PERP: variants seen among roughly 807,000 people sequenced by gnomAD.
The protein encoded by PERP is p53 apoptosis effector related to PMP22.
A neutral mutation model predicts 20.3 loss-of-function variants in PERP; 11 were observed. The observed-to-expected ratio is 0.54, with a 90% CI of 0.34 to 0.90. The LOEUF is 0.90. Ranked by LOEUF, PERP falls within the 40% of genes least tolerant of loss-of-function variation. The pLI is 0.02. For missense variants in PERP, 224 were observed against 249.4 expected, an observed-to-expected ratio of 0.90 and a Z score of 0.69; for synonymous variants, 101 against 102.0, an observed-to-expected ratio of 0.99 and a Z score of 0.06.
chr6:138,100,229 G>A (rs1390281194), intron 1 of PERP, among the ~76,000 whole-genome samples: 6 of 152,270 alleles, frequency 3.9e-5, no homozygotes, highest in East Asian at 1.9e-4. Context: ...GGGTATTCTC[G>A]ATGACCTACA....
intron 2 of PERP, among the ~76,000 whole-genome samples, chr6:138,095,142 T>G (rs1775659952): frequency 6.6e-6 from 1 of 152,234 alleles, no homozygotes; most frequent in Admixed American, 6.5e-5. Flanking sequence ...ACTACAAAAA[T>G]AATCAAGTAG....
chr6:138,107,043 G>C lies in PERP; in HGVS notation c.214+84C>G. The C allele has an allele frequency of 7.3e-7, 1 of 1,371,826 alleles. No homozygotes were observed. The highest frequency in any genetic ancestry group is 2.3e-5 in the East Asian group (1 of 42,930). 85.0% of individuals were successfully genotyped at this position (1,371,826 alleles called of 1,614,324 possible). A position where few individuals can be genotyped will look rare whatever the true frequency, so the allele number is the denominator to read the frequency against. On this transcript the variant is annotated intron_variant, in intron 1 of 2. Transcript: ENST00000421351. This position sits in a 1 kb window ranked among gnomAD's most constrained non-coding sequence, Gnocchi z 4.8. ...GCACTGGCTCCCCCGACCCTGTGAG[G>C]GCCCATCACGCGCGGCGGCTTTTGC... is the stretch of plus-strand genomic sequence containing the variant.
rs1010360377 is a variant in PERP, at chr6:138,088,852, C to T, written c.*3190G>A. On this transcript the variant is annotated 3_prime_UTR_variant, in exon 3 of 3. Transcript: ENST00000421351. ...GCAGGAATTTTTAAATCTGAAACCACACTACAGAAATTATTTTATATATTA... is the reference window on the plus strand; with the variant it reads ...GCAGGAATTTTTAAATCTGAAACCATACTACAGAAATTATTTTATATATTA... 3.9e-5 allele frequency: 6 copies of T among 152,114 alleles called. No homozygotes were observed. The highest frequency in any genetic ancestry group is 3.3e-4 in the Admixed American group (5 of 15,270). The allele number at this position is 152,114 out of a possible 1,614,324, so 9.4% of individuals were successfully genotyped here.
Position 138,092,081 on chromosome 6 carries a change from C to T in PERP, c.543G>A (p.Leu181=). Residue 181 remains leucine (L), a synonymous_variant, in exon 3 of 3, where the codon CTG becomes CTA. Transcript: ENST00000421351. ...CCLPNYEDDL[L]GNAKPRYFYT... ...AGAAGTACCTGGGCTTGGCATTGCC[C>T]AGAAGGTCATCTTCGTAGTTGGGGA... 6.2e-7 allele frequency: 1 copy of T among 1,614,016 alleles called. No homozygotes were observed. The highest frequency in any genetic ancestry group is 1.1e-5 in the South Asian group (1 of 91,056).
rs572013288 is a variant in PERP at position 138,093,697 on chromosome 6, A to T, written c.356-1429T>A. Among the ~76,000 whole-genome samples, 6 of 152,274 alleles carry T rather than the reference A, an allele frequency of 3.9e-5. No homozygotes were observed. In the East Asian group the frequency reaches 9.6e-4, roughly 24 times the overall value. On this transcript the variant is annotated intron_variant, in intron 2 of 2. Coordinates refer to ENST00000421351, the MANE Select transcript of PERP (RefSeq NM_022121.5). Reference sequence around the variant, plus strand: ...TCATCATATATGAAGTCCTTATAACAGTTTGGATTAATTTCTGCCAAATTT... The same window carrying T: ...TCATCATATATGAAGTCCTTATAACTGTTTGGATTAATTTCTGCCAAATTT...
rs551060921 is a variant in PERP at position 138,088,562 on chromosome 6, G to A, written c.*3480C>T. 12 of 152,304 alleles carry A rather than the reference G, an allele frequency of 7.9e-5. No homozygotes were observed. Among genetic ancestry groups the A allele is most frequent in the Middle Eastern group, 6.8e-3 (2 of 292 alleles). The allele number at this position is 152,304 out of a possible 1,614,324, so 9.4% of individuals were successfully genotyped here. On this transcript the variant is annotated 3_prime_UTR_variant, in exon 3 of 3. Coordinates refer to ENST00000421351, the MANE Select transcript of PERP (RefSeq NM_022121.5). Reference sequence around the variant, plus strand: ...AAAGTATGTTTTCGAGGTTAACAACGAAGCACAGGATAGTACAAGTGGAAG... The same window carrying A: ...AAAGTATGTTTTCGAGGTTAACAACAAAGCACAGGATAGTACAAGTGGAAG...
At chr6:138,101,825 C>T (rs1411205047) in intron 1 of PERP, among the ~76,000 whole-genome samples, 1 of 152,128 alleles carries the variant, frequency 6.6e-6, no homozygotes, top group Admixed American at 6.5e-5. Flanking sequence ...TTTGCATAGT[C>T]AATGAGGAGG....
intron 1 of PERP, among the ~76,000 whole-genome samples, chr6:138,103,162 T>G (rs1415214102): frequency 6.6e-6 from 1 of 151,988 alleles, no homozygotes; most frequent in African/African-American, 2.4e-5. Flanking sequence ...GTTTTGTATT[T>G]TTTTGGAGAC....
intron 1 of PERP, among the ~76,000 whole-genome samples, chr6:138,102,624 G>T (rs1410594319): frequency 1.3e-5 from 2 of 152,150 alleles, no homozygotes; most frequent in African/African-American, 2.4e-5. Flanking sequence ...GAGGCTCTCT[G>T]GGGTGGCTAC....
chr6:138,098,299 G>T (rs1393402988), intron 1 of PERP, among the ~76,000 whole-genome samples: 1 of 152,202 alleles, frequency 6.6e-6, no homozygotes, highest in African/African-American at 2.4e-5. Context: ...TTGTTTGACT[G>T]GTCAAGGTGA....
chr6:138,103,098 C>CAAA (rs10651274), intron 1 of PERP, among the ~76,000 whole-genome samples: 15,094 of 146,848 alleles, frequency 0.1, 1,513 homozygotes, highest in East Asian at 0.58. Flanking sequence ...GACTCCGTCT[C>CAAA]AAAAAAAAAA....
At position 138,100,908 on chromosome 6, in the gene PERP, G is replaced by A. The variant is rs540991462; in HGVS notation, c.215-4414C>T. The stretch of plus-strand genomic sequence containing the variant: ...ATCAAGAACACGGAAACCATTTAAC[G>A]ATCACCAACAAAACTGAGTTTTTCC... On this transcript the variant is annotated intron_variant, in intron 1 of 2. Transcript: ENST00000421351. Among the ~76,000 whole-genome samples, 82 of 152,188 alleles carry A rather than the reference G, an allele frequency of 5.4e-4. 1 individual carries two copies. The highest frequency in any genetic ancestry group is 1.8e-3 in the African/African-American group (75 of 41,526).
chr6:138,107,060 G>C lies in PERP; in HGVS notation c.214+67C>G. 1 of 1,489,960 alleles carries C rather than the reference G, an allele frequency of 6.7e-7. No homozygotes were observed. The highest frequency in any genetic ancestry group is 9.0e-7 in the Non-Finnish European group (1 of 1,110,522). The allele number at this position is 1,489,960 out of a possible 1,614,324, so 92.3% of individuals were successfully genotyped here. A position where few individuals can be genotyped will look rare whatever the true frequency, so the allele number is the denominator to read the frequency against. On this transcript the variant is annotated intron_variant, in intron 1 of 2. Coordinates refer to ENST00000421351, the MANE Select transcript of PERP (RefSeq NM_022121.5). This position sits in a 1 kb window ranked among gnomAD's most constrained non-coding sequence, Gnocchi z 4.8. ...CCTGTGAGGGCCCATCACGCGCGGC[G>C]GCTTTTGCAGGCCGCGGCCCCGAGG... is the stretch of plus-strand genomic sequence containing the variant.
At chr6:138,095,787 C>A (rs1775678608) in intron 2 of PERP, among the ~76,000 whole-genome samples, 1 of 152,200 alleles carries the variant, frequency 6.6e-6, no homozygotes, top group African/African-American at 2.4e-5. Flanking sequence ...CTGGGCCCTG[C>A]ACACCTGAAT....
chr6:138,088,549 C>T lies in PERP; in HGVS notation c.*3493G>A, dbSNP rs780329417. The T allele has an allele frequency of 1.3e-5, 2 of 152,254 alleles. No individual in the cohort carries two copies. The highest frequency in any genetic ancestry group is 1.9e-4 in the East Asian group (1 of 5,184). 9.4% of individuals were successfully genotyped at this position (152,254 alleles called of 1,614,324 possible). A position where few individuals can be genotyped will look rare whatever the true frequency, so the allele number is the denominator to read the frequency against. On this transcript the variant is annotated 3_prime_UTR_variant, in exon 3 of 3. Transcript: ENST00000421351. Reference sequence around the variant, plus strand: ...TTTTGCAGCCAACAAAGTATGTTTTCGAGGTTAACAACGAAGCACAGGATA... The same window carrying T: ...TTTTGCAGCCAACAAAGTATGTTTTTGAGGTTAACAACGAAGCACAGGATA...
chr6:138,097,487 A>G (rs1389383953), intron 1 of PERP, among the ~76,000 whole-genome samples: 1 of 152,002 alleles, frequency 6.6e-6, no homozygotes, highest in African/African-American at 2.4e-5. Context: ...TATATTTTTT[A>G]ATTTCAGTAG....
At chr6:138,096,277 T>C (rs1263122141) in intron 2 of PERP, 77 bp downstream of exon 2, 1 of 1,525,014 alleles carries the variant, frequency 6.6e-7, no homozygotes, top group Admixed American at 1.9e-5. Flanking sequence ...GTCACGGGTC[T>C]TCTTTGTGGA....
rs1297601279 is a variant in PERP at position 138,092,192 on chromosome 6, A to C, written c.432T>G (p.Ala144=). The change falls in exon 3 of 3, where the codon GCT becomes GCG. Residue 144 remains alanine, a synonymous_variant. Transcript: ENST00000421351. ...AGGCCCAGTTATAGATGTAAGTGAC[A>C]GCAGGGTTGGCATGAAGGGTGAAGG... is the stretch of plus-strand genomic sequence containing the variant. ...TQTFTLHANP[A]VTYIYNWAYG... 1 of 1,614,060 alleles carries C rather than the reference A, an allele frequency of 6.2e-7. No homozygotes were observed. The highest frequency in any genetic ancestry group is 8.5e-7 in the Non-Finnish European group (1 of 1,180,002).
chr6:138,106,692 G>A (rs1344665383), intron 1 of PERP, among the ~76,000 whole-genome samples: 1 of 152,084 alleles, frequency 6.6e-6, no homozygotes, highest in African/African-American at 2.4e-5. Flanking sequence ...CAAGTTGAAC[G>A]AATCCACTGA....
Sources: allele counts gnomAD v4.1 joint callset (sites outside exome capture counted in the v4.1 genomes callset), GRCh38; gene constraint gnomAD v4.1.1; non-coding constraint Gnocchi (gnomAD v3.1); transcripts MANE v1.5; gene names NCBI Gene and HGNC (gene_info 2026-07-23, HGNC 2026-07-21).